Variants in IQGAP1 observed in about 807,000 individuals in gnomAD.
IQGAP1 encodes IQ motif containing GTPase activating protein 1.
A neutral mutation model predicts 215.6 loss-of-function variants in IQGAP1; 66 were observed. The observed-to-expected ratio is 0.31, with a 90% CI of 0.25 to 0.38. The LOEUF is 0.38. IQGAP1 is among the 10% of genes least tolerant of loss of function. The pLI is 1.00. For missense variants in IQGAP1, 1,712 were observed against 1,997.1 expected (o/e 0.86, Z 2.72); for synonymous variants, 772 against 728.7 (o/e 1.06, Z -0.96).
chr15:90,398,106 A>C (rs564729379), intron 2 of IQGAP1, among the ~76,000 whole-genome samples: 1 of 150,354 alleles, frequency 6.7e-6, no homozygotes, highest in Admixed American at 6.6e-5. Context: ...GGCTGGTCTC[A>C]AACTCCTGAC....
intron 7 of IQGAP1, 133 bp from the exon 8 acceptor site, chr15:90,441,373 T>G: frequency 1.4e-6 from 1 of 739,154 alleles, no homozygotes; most frequent in Non-Finnish European, 2.2e-6. Context: ...CGAACCCCAG[T>G]TGTTATTTCT....
chr15:90,477,456 A>G (rs1965995396), intron 25 of IQGAP1, among the ~76,000 whole-genome samples: 1 of 152,014 alleles, frequency 6.6e-6, no homozygotes, highest in African/African-American at 2.4e-5. Flanking sequence ...AATTTCAAAA[A>G]GTAATCTGAA....
chr15:90,434,520 AT>A (rs911280399), intron 5 of IQGAP1, among the ~76,000 whole-genome samples: 9 of 152,020 alleles, frequency 5.9e-5, no homozygotes, highest in South Asian at 2.1e-4. Flanking sequence ...TACAAAATAT[AT>A]TTTTTTCCCA....
chr15:90,444,428 T>C (rs759716111), intron 9 of IQGAP1, among the ~76,000 whole-genome samples: 6 of 152,014 alleles, frequency 3.9e-5, no homozygotes, highest in African/African-American at 1.4e-4. Context: ...ACTACAGTCA[T>C]GCGCTGCCAC....
At chr15:90,405,527 A>C (rs1964865366) in intron 2 of IQGAP1, among the ~76,000 whole-genome samples, 1 of 152,218 alleles carries the variant, frequency 6.6e-6, no homozygotes, top group Non-Finnish European at 1.5e-5. Context: ...CTGACTTTCT[A>C]GATCAGTATT....
Position 90,452,797 on chromosome 15 carries a change from T to C in IQGAP1, c.1185T>C (p.Ile395=), listed in dbSNP as rs201833674. Residue 395 remains isoleucine, a synonymous_variant, in exon 12 of 38, where the codon ATT becomes ATC. Coordinates refer to ENST00000268182, the MANE Select transcript of IQGAP1 (RefSeq NM_003870.4). ...YQRRLAAVAL[I]NAAIQKGVAE... is the part of the protein sequence containing the mutation. Reference sequence around the variant, plus strand: ...CAGGATTGGCAGCAGTAGCACTGATTAATGCTGCAATCCAGAAGGGTGTTG... The same window carrying C: ...CAGGATTGGCAGCAGTAGCACTGATCAATGCTGCAATCCAGAAGGGTGTTG... 3 of 1,614,134 alleles carry C rather than the reference T, an allele frequency of 1.9e-6. No individual in the cohort carries two copies. The East Asian group carries it at 6.7e-5, about 36-fold the overall frequency.
chr15:90,414,337 A>G (rs754272123), intron 2 of IQGAP1, among the ~76,000 whole-genome samples: 12 of 152,068 alleles, frequency 7.9e-5, no homozygotes, highest in Non-Finnish European at 1.5e-4. Flanking sequence ...AAAAAGTAAT[A>G]ATAATAAAAT....
At chr15:90,491,018 T>TAA (rs1231666376) in intron 33 of IQGAP1, among the ~76,000 whole-genome samples, 10 of 152,132 alleles carry the variant, frequency 6.6e-5, no homozygotes, top group African/African-American at 2.4e-4. Context: ...ACCGTGTTAG[T>TAA]CAGGATGGTC....
intron 20 of IQGAP1, 35 bp from the exon 21 acceptor site, chr15:90,473,861 G>C: frequency 1.9e-6 from 3 of 1,612,368 alleles, no homozygotes; most frequent in Non-Finnish European, 2.5e-6. Flanking sequence ...TTGAGATGAA[G>C]GACTCTTCTA....
chr15:90,438,080 T>C (rs988802083), intron 5 of IQGAP1, among the ~76,000 whole-genome samples: 6 of 152,252 alleles, frequency 3.9e-5, no homozygotes, highest in African/African-American at 1.4e-4. Flanking sequence ...TGATCAGTTC[T>C]GTGATTGCAG....
intron 4 of IQGAP1, among the ~76,000 whole-genome samples, chr15:90,431,034 A>C (rs1965295305): frequency 6.8e-6 from 1 of 148,148 alleles, no homozygotes; most frequent in Admixed American, 6.8e-5. Flanking sequence ...ATATAATCAT[A>C]TATACAATAT....
chr15:90,395,979 A>C (rs1964713239), intron 2 of IQGAP1, among the ~76,000 whole-genome samples: 2 of 152,332 alleles, frequency 1.3e-5, no homozygotes, highest in Admixed American at 6.5e-5. Context: ...ACCCTAGCTC[A>C]AGGAATAGGG....
At chr15:90,465,882 C>A (rs1965824164) in intron 15 of IQGAP1, 119 bp from the exon 16 acceptor site, 2 of 795,242 alleles carry the variant, frequency 2.5e-6, no homozygotes, top group Non-Finnish European at 4.3e-6. Flanking sequence ...CCACGTGTCT[C>A]ATATTTTTTA....
intron 15 of IQGAP1, 24 bp downstream of exon 15, chr15:90,456,339 T>C (rs1199195033): frequency 6.2e-7 from 1 of 1,612,722 alleles, no homozygotes; most frequent in Non-Finnish European, 8.5e-7. Flanking sequence ...GAATTGTTCT[T>C]TATGTTCAGA....
In IQGAP1 at chr15:90,473,536, G is replaced by A. The variant is rs1052012352; in HGVS notation, c.2350-179G>A. 1.9e-5 allele frequency: 11 copies of A among 583,292 alleles called. No homozygotes were observed. In the Admixed American group the frequency reaches 2.1e-4, roughly 11 times the overall value. 36.1% of individuals were successfully genotyped at this position (583,292 alleles called of 1,614,324 possible). A position where few individuals can be genotyped will look rare whatever the true frequency, so the allele number is the denominator to read the frequency against. On this transcript the variant is annotated intron_variant, in intron 19 of 37. Coordinates refer to ENST00000268182, the MANE Select transcript of IQGAP1 (RefSeq NM_003870.4). ...GTTGGGGAAGTAGAATGTAGCCATC[G>A]TGTTCTTCCAGTGGAGGGATGGCCC...
intron 2 of IQGAP1, 32 bp from the exon 3 acceptor site, chr15:90,426,078 T>C (rs368896684): frequency 1.9e-6 from 3 of 1,574,502 alleles, no homozygotes; most frequent in African/African-American, 1.4e-5. Context: ...ACCTTCCCTT[T>C]CTTTTTTTGC....
At chr15:90,466,485 T>C (rs370758695) in intron 17 of IQGAP1, 49 bp downstream of exon 17, 7 of 1,574,548 alleles carry the variant, frequency 4.4e-6, no homozygotes, top group Non-Finnish European at 6.1e-6. Context: ...CCCTTGAGTA[T>C]ATGAGGGGAC....
rs372581771 is a variant in IQGAP1 at position 90,487,868 on chromosome 15, C to T, written c.4248+286C>T. Among the ~76,000 whole-genome samples, 20 of 152,260 alleles carry T rather than the reference C, an allele frequency of 1.3e-4. No individual in the cohort carries two copies. The South Asian group carries it at 3.9e-3, about 30-fold the overall frequency. ...TCCACAGGCGATTCTTTCCAGCACC[C>T]ATTCTCCCCACCCCCGGCCAATACC... On this transcript the variant is annotated intron_variant, in intron 33 of 37. Coordinates refer to ENST00000268182, the MANE Select transcript of IQGAP1 (RefSeq NM_003870.4).
At chr15:90,439,308 C>T in intron 5 of IQGAP1, 24 bp from the exon 6 acceptor site, 2 of 1,605,722 alleles carry the variant, frequency 1.2e-6, no homozygotes, top group Non-Finnish European at 8.5e-7. Flanking sequence ...GGAGGCCTAA[C>T]CTTTTGCATA....
Sources: allele counts gnomAD v4.1 joint callset (sites outside exome capture counted in the v4.1 genomes callset), GRCh38; gene constraint gnomAD v4.1.1; transcripts MANE v1.5; gene names NCBI Gene and HGNC (gene_info 2026-07-23, HGNC 2026-07-21).